The following GABRA2 variants were observed in gnomAD, a reference collection of about 807,000 sequenced individuals.
GABRA2 encodes the protein gamma-aminobutyric acid type A receptor subunit alpha2, also known as gamma-aminobutyric acid receptor subunit alpha-2.
In GABRA2, 16 loss-of-function variants were observed where a neutral mutation model predicts 48.7. The ratio of observed to expected loss-of-function variants is 0.33; its 90% confidence interval spans 0.22 to 0.50. The LOEUF (loss-of-function observed/expected upper bound fraction) is 0.50, where lower values mean the gene tolerates loss of function less well. Ranked by LOEUF, GABRA2 falls within the 20% of genes least tolerant of loss-of-function variation. The pLI is 0.98. For missense variants in GABRA2, 275 were observed against 535.6 expected (o/e 0.51, Z 4.80); for synonymous variants, 185 against 184.5 (o/e 1.00, Z -0.02).
chr4:46,288,040 A>G (rs1368634254), intron 8 of GABRA2, among the ~76,000 whole-genome samples: 1 of 152,128 alleles, frequency 6.6e-6, no homozygotes, highest in Non-Finnish European at 1.5e-5. Flanking sequence ...AGATCTCATG[A>G]GACTTATTCA....
At chr4:46,330,591 T>G (rs71609469) in intron 4 of GABRA2, among the ~76,000 whole-genome samples, 100,485 of 123,688 alleles carry the variant, frequency 0.81, 40,525 homozygotes, top group African/African-American at 0.89. Context: ...TATATATATA[T>G]AGAGAGAGAG....
intron 6 of GABRA2, among the ~76,000 whole-genome samples, chr4:46,308,104 G>A (rs1437685427): frequency 1.3e-5 from 2 of 151,916 alleles, no homozygotes; most frequent in Non-Finnish European, 2.9e-5. Flanking sequence ...CTTAATATTT[G>A]GTTACCAGGA....
chr4:46,276,863 A>T (rs1720611246), intron 8 of GABRA2, among the ~76,000 whole-genome samples: 1 of 152,108 alleles, frequency 6.6e-6, no homozygotes, highest in African/African-American at 2.4e-5. Flanking sequence ...TATGGAATAT[A>T]AAGGGTATTA....
At chr4:46,385,391 T>A (rs943308226) in intron 3 of GABRA2, among the ~76,000 whole-genome samples, 1 of 151,844 alleles carries the variant, frequency 6.6e-6, no homozygotes, top group African/African-American at 2.4e-5. Context: ...CTTTCCCTTT[T>A]CGAATAAAAA....
intron 3 of GABRA2, among the ~76,000 whole-genome samples, chr4:46,358,214 T>C (rs1481192703): frequency 6.6e-6 from 1 of 152,172 alleles, no homozygotes; most frequent in Non-Finnish European, 1.5e-5. Flanking sequence ...TTCTCTGTGA[T>C]TATCTCTGAG....
At chr4:46,273,384 G>GTGTT (rs1719731753) in intron 8 of GABRA2, among the ~76,000 whole-genome samples, 1 of 149,548 alleles carries the variant, frequency 6.7e-6, no homozygotes, top group East Asian at 2.0e-4. Context: ...CTCCCTCTGT[G>GTGTT]TGTGTGTGTG....
chr4:46,362,646 G>T (rs1463822723), intron 3 of GABRA2, among the ~76,000 whole-genome samples: 1 of 152,146 alleles, frequency 6.6e-6, no homozygotes, highest in Admixed American at 6.5e-5. Context: ...TAAATGAAAT[G>T]GTGGTAACAG....
intron 3 of GABRA2, among the ~76,000 whole-genome samples, chr4:46,347,413 G>T (rs550347991): frequency 6.6e-5 from 10 of 151,942 alleles, no homozygotes; most frequent in African/African-American, 2.4e-4. Context: ...CAATGGAATA[G>T]GATAGAAAGC....
intron 4 of GABRA2, among the ~76,000 whole-genome samples, chr4:46,313,160 A>T (rs1414103159): frequency 1.4e-5 from 2 of 146,488 alleles, no homozygotes; most frequent in Admixed American, 6.9e-5. Flanking sequence ...AATAAATAAA[A>T]TTTTTAAAAA....
chr4:46,305,548 T>A lies in GABRA2; in HGVS notation c.703+20A>T, dbSNP rs775617916. The A allele has an allele frequency of 1.1e-5, 17 of 1,607,242 alleles. No individual in the cohort carries two copies. The highest frequency in any genetic ancestry group is 1.4e-5 in the Non-Finnish European group (16 of 1,177,228). On this transcript the variant is annotated intron_variant, in intron 7 of 9. Coordinates refer to ENST00000381620, the MANE Select transcript of GABRA2 (RefSeq NM_000807.4). ...TAATATTCTTAGGCACCAGCTTTTT[T>A]AAAGACTAATTTTACTAACCTGTAC...
chr4:46,372,321 A>T (rs1715025039), intron 3 of GABRA2, among the ~76,000 whole-genome samples: 1 of 152,188 alleles, frequency 6.6e-6, no homozygotes, highest in Non-Finnish European at 1.5e-5. Context: ...GGCAGAAATC[A>T]GCTGCAAGTG....
intron 3 of GABRA2, among the ~76,000 whole-genome samples, chr4:46,346,013 C>A (rs2109878321): frequency 6.6e-6 from 1 of 152,024 alleles, no homozygotes; most frequent in South Asian, 2.1e-4. Flanking sequence ...TGTATCATAA[C>A]TAGAATGTCA....
chr4:46,375,314 T>C (rs1398560991), intron 3 of GABRA2, among the ~76,000 whole-genome samples: 1 of 152,156 alleles, frequency 6.6e-6, no homozygotes, highest in African/African-American at 2.4e-5. Context: ...GTATTTTAAG[T>C]TAAAAACAAA....
At chr4:46,371,273 C>T (rs1014611447) in intron 3 of GABRA2, among the ~76,000 whole-genome samples, 12 of 152,074 alleles carry the variant, frequency 7.9e-5, no homozygotes, top group African/African-American at 2.2e-4. Flanking sequence ...AGAACATCAT[C>T]CCTTTTATCT....
chr4:46,311,833 T>G (rs1727691120), intron 5 of GABRA2, among the ~76,000 whole-genome samples: 1 of 152,216 alleles, frequency 6.6e-6, no homozygotes, highest in Non-Finnish European at 1.5e-5. Context: ...GCGTGGAGGC[T>G]CATGCCTGTA....
rs893558059 is a variant in GABRA2, at chr4:46,374,877, A to G, written c.187+11197T>C. 7.2e-5 allele frequency among the ~76,000 whole-genome samples: 11 copies of G among 151,974 alleles called. No individual in the cohort carries two copies. The South Asian group carries it at 1.7e-3, about 23-fold the overall frequency. On this transcript the variant is annotated intron_variant, in intron 3 of 9. Coordinates refer to ENST00000381620, the MANE Select transcript of GABRA2 (RefSeq NM_000807.4). ...CACACATATCCCTGAAACATTTTGC[A>G]TTCACCCCCCTAATAAGTTTGTGAC...
intron 5 of GABRA2, 53 bp from the exon 6 acceptor site, chr4:46,310,308 A>G (rs1272985525): frequency 3.8e-6 from 5 of 1,305,578 alleles, no homozygotes; most frequent in East Asian, 2.3e-5. Context: ...GTCAAGAAAA[A>G]TCACTCGTCA....
intron 3 of GABRA2, among the ~76,000 whole-genome samples, chr4:46,373,340 T>G (rs1206871647): frequency 6.6e-6 from 1 of 152,138 alleles, no homozygotes; most frequent in East Asian, 1.9e-4. Flanking sequence ...AAATACCTCC[T>G]AGAGTCCTGC....
intron 6 of GABRA2, 26 bp downstream of exon 6, chr4:46,310,147 A>G: frequency 6.3e-7 from 1 of 1,578,816 alleles, no homozygotes; most frequent in East Asian, 2.2e-5. Context: ...TTGACCCAAA[A>G]CATGTAACTT....
Sources: gnomAD v4.1 joint callset for allele counts (sites outside exome capture counted in the v4.1 genomes callset) on GRCh38, gnomAD v4.1.1 for gene constraint, MANE v1.5 for transcripts, NCBI Gene and HGNC (gene_info 2026-07-23, HGNC 2026-07-21) for gene names.